MAST4: variants seen among roughly 807,000 people sequenced by gnomAD.
MAST4 encodes microtubule-associated serine/threonine-protein kinase 4.
In MAST4, 89 loss-of-function variants were observed where a neutral mutation model predicts 162.7. The observed-to-expected ratio is 0.55, with a 90% confidence interval of 0.46 to 0.65. The LOEUF is 0.65. MAST4 is among the 30% of genes least tolerant of loss of function. MAST4 has a pLI of 0.00. For missense variants in MAST4, 3,153 were observed against 3,374.0 expected (o/e 0.93, Z 1.62); for synonymous variants, 1,479 against 1,361.1 (o/e 1.09, Z -1.91).
At chr5:67,014,816 T>C (rs1056967195) in intron 4 of MAST4, among the ~76,000 whole-genome samples, 4 of 152,206 alleles carry the variant, frequency 2.6e-5, no homozygotes, top group Non-Finnish European at 4.4e-5. Context: ...TTCTATAACA[T>C]TGTGATTATG....
chr5:66,876,853 T>C (rs1037776043), intron 3 of MAST4, among the ~76,000 whole-genome samples: 1 of 152,152 alleles, frequency 6.6e-6, no homozygotes, highest in African/African-American at 2.4e-5. Flanking sequence ...TAGAGTACCA[T>C]TTAGCCATTG....
chr5:66,663,451 C>T (rs548289197), intron 1 of MAST4, among the ~76,000 whole-genome samples: 7 of 152,162 alleles, frequency 4.6e-5, no homozygotes, highest in Admixed American at 2.0e-4. Flanking sequence ...AGGGAGATAG[C>T]GAGTGATGAG....
At chr5:66,611,497 T>C (rs1743285495) in intron 1 of MAST4, among the ~76,000 whole-genome samples, 1 of 152,240 alleles carries the variant, frequency 6.6e-6, no homozygotes, top group South Asian at 2.1e-4. Context: ...AATTTGTTCT[T>C]CTAAGAGATG....
At chr5:66,894,410 A>G (rs1418289098) in intron 3 of MAST4, among the ~76,000 whole-genome samples, 1 of 152,182 alleles carries the variant, frequency 6.6e-6, no homozygotes. Flanking sequence ...CATTCAAGTA[A>G]TACTGCATAA....
chr5:66,976,373 T>C (rs1053268332), intron 4 of MAST4, among the ~76,000 whole-genome samples: 2 of 152,212 alleles, frequency 1.3e-5, no homozygotes, highest in Admixed American at 6.5e-5. Context: ...GCATATATGA[T>C]TGGGCCTTCC....
chr5:66,952,944 C>T (rs75176385), intron 4 of MAST4, among the ~76,000 whole-genome samples: 8,249 of 152,242 alleles, frequency 0.054, 331 homozygotes, highest in Middle Eastern at 0.11. Flanking sequence ...TATTTATTTT[C>T]CCTGATAAAT....
At chr5:66,781,944 G>C (rs1012901705) in intron 2 of MAST4, among the ~76,000 whole-genome samples, 15 of 152,156 alleles carry the variant, frequency 9.9e-5, no homozygotes, top group Admixed American at 5.9e-4. Flanking sequence ...TGCAGACTTG[G>C]TATTTTTCTA....
chr5:67,048,046 A>T (rs2150522066), intron 4 of MAST4, among the ~76,000 whole-genome samples: 1 of 152,360 alleles, frequency 6.6e-6, no homozygotes, highest in Middle Eastern at 3.4e-3. Flanking sequence ...AAGCAGCAAT[A>T]AGCAGGATTT....
At chr5:66,662,075 C>T (rs1189547588) in intron 1 of MAST4, among the ~76,000 whole-genome samples, 12 of 144,674 alleles carry the variant, frequency 8.3e-5, no homozygotes, top group Admixed American at 4.8e-4. Flanking sequence ...TAGTTAATCC[C>T]TTTTTTTTTT....
chr5:67,008,373 G>A (rs1020007147), intron 4 of MAST4, among the ~76,000 whole-genome samples: 1 of 152,192 alleles, frequency 6.6e-6, no homozygotes, highest in Non-Finnish European at 1.5e-5. Flanking sequence ...TATGTTTATA[G>A]CATCTTTTCT....
chr5:66,806,204 A>G (rs1756178170), intron 3 of MAST4, among the ~76,000 whole-genome samples: 2 of 152,202 alleles, frequency 1.3e-5, no homozygotes. Flanking sequence ...CACATCAGGA[A>G]TAATTCCCCT....
At chr5:66,604,465 T>C (rs565463899) in intron 1 of MAST4, among the ~76,000 whole-genome samples, 7 of 152,362 alleles carry the variant, frequency 4.6e-5, no homozygotes, top group African/African-American at 1.7e-4. Flanking sequence ...TACTGATAAA[T>C]TGAACTTCTT....
chr5:66,649,649 C>A (rs886863905), intron 1 of MAST4, among the ~76,000 whole-genome samples: 10 of 152,192 alleles, frequency 6.6e-5, no homozygotes, highest in Admixed American at 4.6e-4. Context: ...TGGGTCACAT[C>A]CTCTCCTGTG....
At chr5:66,891,189 GC>G (rs1271467237) in intron 3 of MAST4, among the ~76,000 whole-genome samples, 1 of 152,124 alleles carries the variant, frequency 6.6e-6, no homozygotes, top group African/African-American at 2.4e-5. Flanking sequence ...GGCCCTCAGT[GC>G]TTTTAGACAG....
intron 4 of MAST4, among the ~76,000 whole-genome samples, chr5:66,908,536 G>T (rs1188813513): frequency 6.6e-6 from 1 of 152,182 alleles, no homozygotes; most frequent in African/African-American, 2.4e-5. Flanking sequence ...TTCGGGGGGT[G>T]TGTGTAGTGG....
At chr5:66,836,341 G>T (rs1242763372) in intron 3 of MAST4, among the ~76,000 whole-genome samples, 1 of 152,122 alleles carries the variant, frequency 6.6e-6, no homozygotes, top group African/African-American at 2.4e-5. Context: ...TATACACTGT[G>T]GGTGGGAACA....
At position 67,152,767 on chromosome 5, in the gene MAST4, T is replaced by A; in HGVS notation, c.3426T>A (p.Ile1142=). Reference sequence around the variant, plus strand: ...CTTCTGCCAGTCCACATCAGCCGATTGTGATCCACAGTTCGGGGAAGAACT... The same window carrying A: ...CTTCTGCCAGTCCACATCAGCCGATAGTGATCCACAGTTCGGGGAAGAACT... ...SAASASPHQP[I]VIHSSGKNYG... The change falls in exon 25 of 29, where the codon ATT becomes ATA. Residue 1142 remains isoleucine (I), a synonymous_variant. Coordinates refer to ENST00000403625, the MANE Select transcript of MAST4 (RefSeq NM_001164664.2). 1 of 1,614,072 alleles carries A rather than the reference T, an allele frequency of 6.2e-7. No homozygotes were observed. Among genetic ancestry groups the A allele is most frequent in the South Asian group, 1.1e-5 (1 of 91,088 alleles).
At chr5:66,643,352 C>T (rs1426198110) in intron 1 of MAST4, among the ~76,000 whole-genome samples, 1 of 152,004 alleles carries the variant, frequency 6.6e-6, no homozygotes, top group Non-Finnish European at 1.5e-5. Flanking sequence ...TTGCTGTGTC[C>T]CTGTGATATG....
intron 7 of MAST4, 69 bp from the exon 8 acceptor site, chr5:67,100,366 G>T (rs995012261): frequency 2.0e-6 from 3 of 1,509,124 alleles, no homozygotes; most frequent in Non-Finnish European, 2.7e-6. Flanking sequence ...TTAACTCATC[G>T]ATCTCTCCTG....
Sources: allele counts gnomAD v4.1 joint callset (sites outside exome capture counted in the v4.1 genomes callset), GRCh38; gene constraint gnomAD v4.1.1; transcripts MANE v1.5; gene names NCBI Gene and HGNC (gene_info 2026-07-23, HGNC 2026-07-21).